Variants in CADM2 observed in about 807,000 individuals in gnomAD.
CADM2 encodes cell adhesion molecule 2.
CADM2 carries 12 observed loss-of-function variants against 49.8 expected under a neutral mutation model. The observed-to-expected ratio is 0.24, with a 90% CI of 0.15 to 0.39. The LOEUF (loss-of-function observed/expected upper bound fraction) is 0.39, where lower values mean the gene tolerates loss of function less well. CADM2 is among the 10% of genes least tolerant of loss of function. CADM2 has a pLI of 1.00. For synonymous variants in CADM2, 214 were observed against 175.4 expected (o/e 1.22, Z -1.74); for missense variants, 378 against 492.3 (o/e 0.77, Z 2.20).
chr3:85,506,825 C>T (rs2040375187), intron 1 of CADM2, among the ~76,000 whole-genome samples: 1 of 152,124 alleles, frequency 6.6e-6, no homozygotes, highest in African/African-American at 2.4e-5. Context: ...TTTTGCACTA[C>T]AATTCCTCTC....
chr3:85,103,512 T>C (rs972457203), intron 1 of CADM2, among the ~76,000 whole-genome samples: 8 of 152,154 alleles, frequency 5.3e-5, no homozygotes, highest in Admixed American at 2.6e-4. Flanking sequence ...TATAAGAAAA[T>C]GGCATGTTCA....
At chr3:85,755,215 G>A (rs765823794) in intron 2 of CADM2, among the ~76,000 whole-genome samples, 28 of 152,172 alleles carry the variant, frequency 1.8e-4, no homozygotes, top group Non-Finnish European at 4.1e-4. Context: ...GACCCAAAAT[G>A]TGGGGGTTCC....
chr3:85,959,358 G>A (rs1481611459), intron 7 of CADM2, among the ~76,000 whole-genome samples: 2 of 151,874 alleles, frequency 1.3e-5, no homozygotes, highest in African/African-American at 2.4e-5. Flanking sequence ...TCATTAGGTA[G>A]GCATAATTGG....
chr3:85,416,187 A>T (rs1394885918), intron 1 of CADM2, among the ~76,000 whole-genome samples: 1 of 152,144 alleles, frequency 6.6e-6, no homozygotes, highest in African/African-American at 2.4e-5. Flanking sequence ...AAAAGTAAAT[A>T]ACCCAACAAA....
intron 3 of CADM2, among the ~76,000 whole-genome samples, chr3:85,837,001 T>G (rs2074438937): frequency 1.3e-5 from 2 of 151,626 alleles, no homozygotes; most frequent in African/African-American, 4.8e-5. Flanking sequence ...CTTCTGTAGT[T>G]GTAAAAATGA....
At chr3:86,024,221 G>A (rs1280788153) in intron 8 of CADM2, among the ~76,000 whole-genome samples, 3 of 152,094 alleles carry the variant, frequency 2.0e-5, no homozygotes, top group Admixed American at 1.3e-4. Context: ...CCCTTTAACA[G>A]GCCTAAGCCA....
rs1002090142 is a variant in CADM2 at position 86,072,227 on chromosome 3, C to G, written c.*5444C>G. 2 of 151,388 alleles carry G rather than the reference C, an allele frequency of 1.3e-5. No homozygotes were observed. Among genetic ancestry groups the G allele is most frequent in the African/African-American group, 4.8e-5 (2 of 41,270 alleles). The allele number at this position is 151,388 out of a possible 1,614,324, so 9.4% of individuals were successfully genotyped here. On this transcript the variant is annotated 3_prime_UTR_variant, in exon 10 of 10. Transcript: ENST00000383699. ...AAAATATGCTTAAAGTAAGATGTTT[C>G]TATGTTATGTGGTTATGTTATCAAT...
intron 1 of CADM2, among the ~76,000 whole-genome samples, chr3:85,318,851 A>G (rs533289436): frequency 1.3e-5 from 2 of 152,284 alleles, no homozygotes; most frequent in South Asian, 4.1e-4. Flanking sequence ...ATCCAATATT[A>G]CGTTCCTTTT....
intron 1 of CADM2, among the ~76,000 whole-genome samples, chr3:85,109,934 C>G (rs548956502): frequency 6.6e-6 from 1 of 151,922 alleles, no homozygotes; most frequent in African/African-American, 2.4e-5. Flanking sequence ...TGAACTGTAT[C>G]AAAACGCTTG....
At chr3:85,665,919 G>C (rs1267387528) in intron 1 of CADM2, among the ~76,000 whole-genome samples, 5 of 151,704 alleles carry the variant, frequency 3.3e-5, no homozygotes, top group Admixed American at 3.3e-4. Flanking sequence ...AGATAACAAG[G>C]GTATTCAATT....
At chr3:85,656,628 A>G (rs1385910235) in intron 1 of CADM2, among the ~76,000 whole-genome samples, 1 of 152,138 alleles carries the variant, frequency 6.6e-6, no homozygotes. Flanking sequence ...AAATAATAAT[A>G]ATGATAATAA....
chr3:85,725,990 C>G (rs1250001636), intron 1 of CADM2, among the ~76,000 whole-genome samples: 1 of 151,950 alleles, frequency 6.6e-6, no homozygotes, highest in East Asian at 1.9e-4. Flanking sequence ...TTTGACCTTT[C>G]TCATTCCCAG....
chr3:86,062,904 G>A (rs139350625), intron 8 of CADM2, among the ~76,000 whole-genome samples: 18 of 151,930 alleles, frequency 1.2e-4, no homozygotes, highest in African/African-American at 4.3e-4. Context: ...TCACTCAGGA[G>A]GCTTACATGT....
intron 8 of CADM2, among the ~76,000 whole-genome samples, 157 bp from the exon 9 acceptor site, chr3:86,065,448 A>G (rs761715533): frequency 2.6e-5 from 4 of 152,232 alleles, no homozygotes; most frequent in Non-Finnish European, 5.9e-5. Flanking sequence ...GATACCTTGT[A>G]TATTATATTT....
chr3:85,399,009 A>G (rs185415893), intron 1 of CADM2, among the ~76,000 whole-genome samples: 71 of 152,258 alleles, frequency 4.7e-4, no homozygotes, highest in African/African-American at 1.5e-3. Flanking sequence ...TAGTTTAATT[A>G]GATCCCATTT....
chr3:85,421,266 G>A (rs948268226), intron 1 of CADM2, among the ~76,000 whole-genome samples: 1 of 152,036 alleles, frequency 6.6e-6, no homozygotes, highest in African/African-American at 2.4e-5. Flanking sequence ...ATTTATTCCT[G>A]TTGTTAAAAA....
At position 85,815,921 on chromosome 3, in the gene CADM2, A is replaced by G. The variant is rs563252560; in HGVS notation, c.238+13725A>G. Among the ~76,000 whole-genome samples the G allele has an allele frequency of 9.2e-5, 14 of 152,288 alleles. 1 individual carries two copies. The South Asian group carries it at 1.0e-3, about 11-fold the overall frequency. ...AGTTCAGGATACAAAATATTCTAAT[A>G]TTCTTAAAGTAAATTTCAAAATAGC... is the stretch of plus-strand genomic sequence containing the variant. On this transcript the variant is annotated intron_variant, in intron 3 of 9. Coordinates refer to ENST00000383699, the MANE Select transcript of CADM2 (RefSeq NM_001167675.2).
chr3:85,028,040 A>T (rs1012474212), intron 1 of CADM2, among the ~76,000 whole-genome samples: 1 of 152,142 alleles, frequency 6.6e-6, no homozygotes, highest in Non-Finnish European at 1.5e-5. Flanking sequence ...AGGGGCAGAG[A>T]TAGAAAAAAA....
chr3:85,587,029 AT>A (rs2062963958), intron 1 of CADM2, among the ~76,000 whole-genome samples: 1 of 152,082 alleles, frequency 6.6e-6, no homozygotes, highest in South Asian at 2.1e-4. Flanking sequence ...TGATAAAGTT[AT>A]TTTGGTGTCA....
Sources: allele counts gnomAD v4.1 joint callset (sites outside exome capture counted in the v4.1 genomes callset), GRCh38; gene constraint gnomAD v4.1.1; transcripts MANE v1.5; gene names NCBI Gene and HGNC (gene_info 2026-07-23, HGNC 2026-07-21).